Variants in GALNT13 observed in about 807,000 individuals in gnomAD.
GALNT13 encodes polypeptide N-acetylgalactosaminyltransferase 13, also known as UDP-GalNAc:polypeptide N-acetylgalactosaminyltransferase 13.
Under a neutral mutation model 64.2 loss-of-function variants are expected in GALNT13, and 28 were observed. The ratio of observed to expected loss-of-function variants is 0.44; its 90% CI spans 0.32 to 0.60. The LOEUF is 0.60. Ranked by LOEUF, GALNT13 falls within the 20% of genes least tolerant of loss-of-function variation. The pLI, the probability that GALNT13 is intolerant of heterozygous loss-of-function variation, is 0.05. For missense variants in GALNT13, 577 were observed against 669.8 expected, an observed-to-expected ratio of 0.86 and a Z score of 1.53; for synonymous variants, 214 against 224.6, an observed-to-expected ratio of 0.95 and a Z score of 0.42.
chr2:153,641,502 A>T, the GALNT13 span, among the ~76,000 whole-genome samples: 1 of 152,210 alleles, frequency 6.6e-6, no homozygotes, highest in South Asian at 2.1e-4. Context: ...CATTCTCCCC[A>T]TCCCATTTGG....
chr2:154,396,060 C>T lies in GALNT13; in HGVS notation c.1226C>T (p.Pro409Leu), dbSNP rs1277554031. 6.2e-7 allele frequency: 1 copy of T among 1,610,836 alleles called. No individual in the cohort carries two copies. Among genetic ancestry groups the T allele is most frequent in the Non-Finnish European group, 8.5e-7 (1 of 1,178,056 alleles). ...CTAAGAGAAAATCTGAAGTGTAAGCCCTTTTCTTGGTACCTAGAAAACATC... is the reference window on the plus strand; with the variant it reads ...CTAAGAGAAAATCTGAAGTGTAAGCTCTTTTCTTGGTACCTAGAAAACATC... ...KTLRENLKCK[P>L]FSWYLENIYP... Residue 409 changes from proline to leucine, a missense_variant, in exon 10 of 13, where the codon CCC (proline) becomes CTC (leucine). By Grantham distance (98) the Pro-to-Leu change is moderately conservative (BLOSUM62 -3). Transcript: ENST00000392825.
Position 153,911,363 on chromosome 2 carries a change from C to T in GALNT13, c.-105+10356C>T, listed in dbSNP as rs966028446. Among the ~76,000 whole-genome samples the T allele has an allele frequency of 2.6e-5, 4 of 152,202 alleles. No homozygotes were observed. The East Asian group carries it at 7.7e-4, about 29-fold the overall frequency. ...CCACTGAGTCTTGCTTCTTTATTCACCTTGCCACTCTGTGTCTTTTACTTG... is the reference window on the plus strand; with the variant it reads ...CCACTGAGTCTTGCTTCTTTATTCATCTTGCCACTCTGTGTCTTTTACTTG... On this transcript the variant is annotated intron_variant, in intron 2 of 12. Transcript: ENST00000392825.
chr2:154,189,084 A>C (rs1686421146), intron 4 of GALNT13, among the ~76,000 whole-genome samples: 1 of 152,206 alleles, frequency 6.6e-6, no homozygotes, highest in Non-Finnish European at 1.5e-5. Flanking sequence ...TTTGGAACTA[A>C]GATAATTAAA....
chr2:154,153,057 T>C (rs1684153765), intron 4 of GALNT13, among the ~76,000 whole-genome samples: 2 of 152,292 alleles, frequency 1.3e-5, no homozygotes, highest in South Asian at 2.1e-4. Context: ...CCCATCTTTG[T>C]GGTTTTATCT....
chr2:153,082,406 G>C, the GALNT13 span, among the ~76,000 whole-genome samples: 2 of 150,980 alleles, frequency 1.3e-5, no homozygotes, highest in African/African-American at 4.9e-5. Context: ...GGATGTATTT[G>C]GTGTTTCATT....
At chr2:153,223,653 T>C in the GALNT13 span, among the ~76,000 whole-genome samples, 3 of 152,094 alleles carry the variant, frequency 2.0e-5, no homozygotes, top group Non-Finnish European at 4.4e-5. Flanking sequence ...AAACATAACA[T>C]CAAAATTTGT....
the GALNT13 span, among the ~76,000 whole-genome samples, chr2:153,812,586 T>C: frequency 6.6e-6 from 1 of 152,222 alleles, no homozygotes; most frequent in East Asian, 1.9e-4. Context: ...CCTTATTTAC[T>C]TTGCACCCAC....
chr2:154,011,754 T>C (rs1056312309), intron 3 of GALNT13, among the ~76,000 whole-genome samples: 3 of 152,206 alleles, frequency 2.0e-5, no homozygotes, highest in Non-Finnish European at 4.4e-5. Flanking sequence ...TACTCCTGTG[T>C]TGGGTGCATA....
the GALNT13 span, among the ~76,000 whole-genome samples, chr2:153,393,302 C>A: frequency 6.6e-6 from 1 of 151,058 alleles, no homozygotes; most frequent in East Asian, 2.0e-4. Flanking sequence ...GAAATAGATG[C>A]CATGGCAAAA....
chr2:154,022,440 G>C (rs1358537254), intron 3 of GALNT13, among the ~76,000 whole-genome samples: 1 of 152,072 alleles, frequency 6.6e-6, no homozygotes, highest in Non-Finnish European at 1.5e-5. Flanking sequence ...TATGTGTCGA[G>C]GAATTTATCC....
chr2:153,529,961 AG>A, the GALNT13 span, among the ~76,000 whole-genome samples: 4 of 152,206 alleles, frequency 2.6e-5, no homozygotes, highest in East Asian at 3.9e-4. Context: ...AAAAACAAAA[AG>A]GCTTTACTCT....
intron 4 of GALNT13, among the ~76,000 whole-genome samples, chr2:154,207,531 A>G (rs1687531871): frequency 6.6e-6 from 1 of 152,174 alleles, no homozygotes; most frequent in Admixed American, 6.5e-5. Flanking sequence ...GAGTTAATAC[A>G]TGTGCCTGGC....
the GALNT13 span, among the ~76,000 whole-genome samples, chr2:153,455,719 TC>T: frequency 1.3e-5 from 2 of 152,094 alleles, no homozygotes; most frequent in Non-Finnish European, 2.9e-5. Flanking sequence ...TGTTAACAGT[TC>T]AGTGAACCCT....
chr2:154,012,873 A>G (rs908352221), intron 3 of GALNT13, among the ~76,000 whole-genome samples: 1 of 151,924 alleles, frequency 6.6e-6, no homozygotes, highest in Non-Finnish European at 1.5e-5. Flanking sequence ...TGATTATATT[A>G]TGGAATTATT....
At chr2:153,243,713 G>T in the GALNT13 span, among the ~76,000 whole-genome samples, 7 of 151,504 alleles carry the variant, frequency 4.6e-5, no homozygotes, top group Non-Finnish European at 1.0e-4. Context: ...GTGAAGGGTT[G>T]ATCTTGCAAA....
At chr2:153,533,723 C>CT in the GALNT13 span, among the ~76,000 whole-genome samples, 105 of 48,708 alleles carry the variant, frequency 2.2e-3, 4 homozygotes, top group South Asian at 5.8e-3. Context: ...TGAGGTTTTT[C>CT]TTTTTTTTTT....
At chr2:153,160,154 G>C in the GALNT13 span, among the ~76,000 whole-genome samples, 1 of 152,174 alleles carries the variant, frequency 6.6e-6, no homozygotes, top group African/African-American at 2.4e-5. Flanking sequence ...AGCTGATGAG[G>C]CTGGATATAG....
At chr2:153,589,501 G>T in the GALNT13 span, among the ~76,000 whole-genome samples, 1 of 152,082 alleles carries the variant, frequency 6.6e-6, no homozygotes, top group Non-Finnish European at 1.5e-5. Flanking sequence ...TATCTTTTCA[G>T]CAGTGCCCCA....
At chr2:154,004,097 A>G (rs562851120) in intron 3 of GALNT13, among the ~76,000 whole-genome samples, 5 of 152,218 alleles carry the variant, frequency 3.3e-5, no homozygotes, top group Admixed American at 2.6e-4. Context: ...TTATAGACTA[A>G]TTCTAATTAT....
Sources: allele counts gnomAD v4.1 joint callset (sites outside exome capture counted in the v4.1 genomes callset), GRCh38; gene constraint gnomAD v4.1.1; transcripts MANE v1.5; gene names NCBI Gene and HGNC (gene_info 2026-07-23, HGNC 2026-07-21).